The following BEAN1 variants were observed in gnomAD, a reference collection of about 807,000 sequenced individuals.
BEAN1 encodes brain expressed associated with NEDD4 1.
In BEAN1, 17 loss-of-function variants were observed where a neutral mutation model predicts 17.7. The ratio of observed to expected loss-of-function variants is 0.96; its 90% confidence interval spans 0.66 to 1.44. The LOEUF (loss-of-function observed/expected upper bound fraction) is 1.44, where lower values mean the gene tolerates loss of function less well. BEAN1 is among the 40% of genes most tolerant of loss of function. The probability of loss-of-function intolerance (pLI) is 0.00; values close to 1 mark genes in which losing one functional copy is unlikely to be tolerated. For missense variants in BEAN1, 359 were observed against 374.1 expected (o/e 0.96, Z 0.33); for synonymous variants, 142 against 151.8 (o/e 0.94, Z 0.47).
In BEAN1 at chr16:66,453,284, T is replaced by A. The variant is rs944813583; in HGVS notation, c.25+15583T>A. Among the ~76,000 whole-genome samples the A allele has an allele frequency of 4.6e-5, 7 of 152,180 alleles. No homozygotes were observed. The South Asian group carries it at 1.4e-3, about 32-fold the overall frequency. Reference sequence around the variant, plus strand: ...AAGCTATGAATTTCCCACTAAGCATTGCTTTAGCTGAATTCCATAAATTTT... The same window carrying A: ...AAGCTATGAATTTCCCACTAAGCATAGCTTTAGCTGAATTCCATAAATTTT... On this transcript the variant is annotated intron_variant, in intron 2 of 4. Transcript: ENST00000536005.
intron 1 of BEAN1, among the ~76,000 whole-genome samples, chr16:66,432,048 A>T (rs1198387467): frequency 6.6e-6 from 1 of 152,092 alleles, no homozygotes. Flanking sequence ...ACAGACTGAA[A>T]CTTTTTCTGA....
chr16:66,474,952 G>C (rs991597366), intron 3 of BEAN1, among the ~76,000 whole-genome samples: 3 of 152,152 alleles, frequency 2.0e-5, no homozygotes, highest in African/African-American at 4.8e-5. Flanking sequence ...TGGGGTGTGA[G>C]GTAGATGAGA....
intron 2 of BEAN1, among the ~76,000 whole-genome samples, chr16:66,466,003 G>A (rs1963248403): frequency 6.6e-6 from 1 of 152,224 alleles, no homozygotes; most frequent in African/African-American, 2.4e-5. Context: ...TAGTAGAGAT[G>A]GAGTGTCACC....
intron 2 of BEAN1, among the ~76,000 whole-genome samples, chr16:66,442,196 T>C (rs1200907600): frequency 1.3e-5 from 2 of 152,208 alleles, no homozygotes; most frequent in Admixed American, 1.3e-4. Context: ...AGAACCAGCC[T>C]GGCTCTTCAG....
At position 66,434,234 on chromosome 16, in the gene BEAN1, C is replaced by T. The variant is rs1961924852; in HGVS notation, c.-82-3361C>T. On this transcript the variant is annotated intron_variant, in intron 1 of 4. Transcript: ENST00000536005. This position sits in a 1 kb window ranked among gnomAD's most constrained non-coding sequence, Gnocchi z 4.3. ...CCGACCCCGACCCCAACCCCGACCC[C>T]GACCCCTGGCAAAGGAACCACAGTC... 2.0e-5 allele frequency among the ~76,000 whole-genome samples: 3 copies of T among 151,818 alleles called. No individual in the cohort carries two copies. The South Asian group carries it at 6.3e-4, about 32-fold the overall frequency.
At chr16:66,452,039 A>C (rs555423855) in intron 2 of BEAN1, among the ~76,000 whole-genome samples, 1 of 152,282 alleles carries the variant, frequency 6.6e-6, no homozygotes, top group East Asian at 1.9e-4. Context: ...GGGATAAAGA[A>C]CTTCTCCCCA....
intron 2 of BEAN1, among the ~76,000 whole-genome samples, chr16:66,443,645 ATAGCTCATCTTAATTTTATTGC>A: frequency 6.6e-6 from 1 of 152,108 alleles, no homozygotes; most frequent in East Asian, 1.9e-4. Context: ...TCGGCATTTG[ATAGCTCATCTTAATTTTATTGC>A]TAGCTCATCT....
chr16:66,468,361 T>C (rs1412644246), intron 2 of BEAN1, among the ~76,000 whole-genome samples: 1 of 152,168 alleles, frequency 6.6e-6, no homozygotes, highest in East Asian at 1.9e-4. Flanking sequence ...TGGGAGAACG[T>C]GCAAGGGGAC....
chr16:66,469,448 C>T (rs1294658470), intron 2 of BEAN1, among the ~76,000 whole-genome samples, 154 bp from the exon 3 acceptor site: 1 of 152,174 alleles, frequency 6.6e-6, no homozygotes, highest in Non-Finnish European at 1.5e-5. Context: ...CTCTCCTTCT[C>T]CCCCAGGAGC....
intron 2 of BEAN1, among the ~76,000 whole-genome samples, chr16:66,448,886 T>G (rs887172219): frequency 6.6e-6 from 1 of 152,190 alleles, no homozygotes; most frequent in African/African-American, 2.4e-5. Flanking sequence ...GCTCACTGCC[T>G]GTAATCCCAA....
In BEAN1 at chr16:66,427,827, C is replaced by CA. The variant is rs1306179609; in HGVS notation, c.-83+398dup. On this transcript the variant is annotated intron_variant, in intron 1 of 4. Transcript: ENST00000536005. This position sits in a 1 kb window ranked among gnomAD's most constrained non-coding sequence, Gnocchi z 4.7. Reference sequence around the variant, plus strand: ...GCCCTCGGTTTCGGGGACCCCTGAACAACCCAACCAAGAAGGGAAAACTAG... The same window carrying CA: ...GCCCTCGGTTTCGGGGACCCCTGAACAAACCCAACCAAGAAGGGAAAACTAG... 6.6e-6 allele frequency: 1 copy of CA among 152,148 alleles called. No homozygotes were observed. Among genetic ancestry groups the CA allele is most frequent in the Non-Finnish European group, 1.5e-5 (1 of 68,068 alleles). The allele number at this position is 152,148 out of a possible 1,614,324, so 9.4% of individuals were successfully genotyped here. A position where few individuals can be genotyped will look rare whatever the true frequency, so the allele number is the denominator to read the frequency against.
intron 2 of BEAN1, among the ~76,000 whole-genome samples, chr16:66,466,726 C>T (rs1963272533): frequency 1.3e-5 from 2 of 152,214 alleles, no homozygotes; most frequent in Middle Eastern, 3.4e-3. Flanking sequence ...CCACCACGCC[C>T]GGGTAAATTT....
chr16:66,454,208 A>G (rs1962783924), intron 2 of BEAN1, among the ~76,000 whole-genome samples: 1 of 152,212 alleles, frequency 6.6e-6, no homozygotes, highest in Non-Finnish European at 1.5e-5. Flanking sequence ...CTTGAAAAGA[A>G]TGCGTAATCT....
At chr16:66,487,697 G>A (rs548064952), downstream of BEAN1, among the ~76,000 whole-genome samples, 1 of 152,246 alleles carries the variant, frequency 6.6e-6, no homozygotes, top group East Asian at 1.9e-4. Flanking sequence ...GTGAGTGAAG[G>A]CTGAGTATGG....
chr16:66,483,861 T>C (rs1964046903), downstream of BEAN1: 1 of 153,012 alleles, frequency 6.5e-6, no homozygotes, highest in African/African-American at 2.4e-5. Flanking sequence ...AGGCCAAGGC[T>C]GGCTCTGCTG....
chr16:66,446,701 G>T (rs1019256737), intron 2 of BEAN1, among the ~76,000 whole-genome samples: 20 of 152,134 alleles, frequency 1.3e-4, no homozygotes, highest in Non-Finnish European at 5.9e-5. Context: ...AGGGCAAAAT[G>T]ATTTCTGTAT....
chr16:66,484,329 C>T (rs912208963), downstream of BEAN1: 2 of 339,498 alleles, frequency 5.9e-6, no homozygotes, highest in African/African-American at 4.3e-5. The surrounding 1 kb of genome is among the most constrained non-coding windows in gnomAD (Gnocchi z 4.2). Flanking sequence ...GAAACCACCC[C>T]ACACCGACAC....
chr16:66,484,534 C>G (rs1385840424), downstream of BEAN1: 2 of 452,272 alleles, frequency 4.4e-6, no homozygotes, highest in South Asian at 3.1e-5. This position sits in a 1 kb window ranked among gnomAD's most constrained non-coding sequence, Gnocchi z 4.2. Flanking sequence ...ACCCCAGGTA[C>G]CTGGGCTCAT....
chr16:66,451,192 A>C (rs1962660448), intron 2 of BEAN1: 1 of 153,310 alleles, frequency 6.5e-6, no homozygotes, highest in African/African-American at 2.4e-5. Context: ...AGACGTGAAG[A>C]AGGAACTCTT....
Sources: gnomAD v4.1 joint callset for allele counts (sites outside exome capture counted in the v4.1 genomes callset) on GRCh38, gnomAD v4.1.1 for gene constraint, Gnocchi (gnomAD v3.1) non-coding constraint, MANE v1.5 for transcripts, NCBI Gene and HGNC (gene_info 2026-07-23, HGNC 2026-07-21) for gene names.